Variants in SLC44A1 observed in about 807,000 individuals in gnomAD.
The protein encoded by SLC44A1 is choline transporter-like protein 1.
Under a neutral mutation model 79.3 loss-of-function variants are expected in SLC44A1, and 26 were observed. The ratio of observed to expected loss-of-function variants is 0.33; its 90% confidence interval spans 0.24 to 0.46. The LOEUF is 0.46. Ranked by LOEUF, SLC44A1 falls within the 20% of genes least tolerant of loss-of-function variation. The pLI is 1.00. For missense variants in SLC44A1, 688 were observed against 798.1 expected (o/e 0.86, Z 1.66); for synonymous variants, 263 against 286.2 (o/e 0.92, Z 0.82).
At chr9:105,421,795 G>T (rs1829254135) in intron 15 of SLC44A1, among the ~76,000 whole-genome samples, 1 of 152,026 alleles carries the variant, frequency 6.6e-6, no homozygotes. Flanking sequence ...CACCGTGTTA[G>T]CCAGGATAGT....
chr9:105,351,379 C>T (rs963228552), intron 5 of SLC44A1, among the ~76,000 whole-genome samples: 1 of 151,880 alleles, frequency 6.6e-6, no homozygotes, highest in Admixed American at 6.6e-5. Context: ...ACCAAAAACA[C>T]AAAAATTAGC....
chr9:105,376,314 TACACACACAC>T (rs33933201), intron 13 of SLC44A1, among the ~76,000 whole-genome samples: 49 of 139,174 alleles, frequency 3.5e-4, no homozygotes, highest in African/African-American at 8.3e-4. Context: ...TATATATGTA[TACACACACAC>T]ACACACACAC....
rs918298401 is a variant in SLC44A1 at position 105,392,402 on chromosome 9, T to G, written c.*3346T>G. On this transcript the variant is annotated 3_prime_UTR_variant, in exon 16 of 16. Coordinates refer to ENST00000374720, the MANE Select transcript of SLC44A1 (RefSeq NM_080546.5). ...TGTAGAGATGCTCTCTCTCTCTCTC[T>G]CTTTTTTTTTTTTTTTTTTTTTTTT... 1 of 177,014 alleles carries G rather than the reference T, an allele frequency of 5.6e-6. No homozygotes were observed. Among genetic ancestry groups the G allele is most frequent in the African/African-American group, 4.4e-5 (1 of 22,614 alleles). The allele number at this position is 177,014 out of a possible 1,614,324, so 11.0% of individuals were successfully genotyped here.
chr9:105,354,613 A>T (rs1827562405), intron 5 of SLC44A1, among the ~76,000 whole-genome samples: 1 of 152,214 alleles, frequency 6.6e-6, no homozygotes, highest in Non-Finnish European at 1.5e-5. Context: ...AGGCAATTTT[A>T]AAAAACAAAT....
At position 105,394,599 on chromosome 9, in the gene SLC44A1, C is replaced by T; in HGVS notation, c.*5543C>T. On this transcript the variant is annotated 3_prime_UTR_variant, in exon 16 of 16. Transcript: ENST00000374720. ...ACACTTGATTCTTTTTATTGTAGCTCAGCTATGACATTATGACATTATGTG... is the reference window on the plus strand; with the variant it reads ...ACACTTGATTCTTTTTATTGTAGCTTAGCTATGACATTATGACATTATGTG... 1.0e-6 allele frequency: 1 copy of T among 985,100 alleles called. No homozygotes were observed. The highest frequency in any genetic ancestry group is 1.2e-6 in the Non-Finnish European group (1 of 829,836). The allele number at this position is 985,100 out of a possible 1,614,324, so 61.0% of individuals were successfully genotyped here. A position where few individuals can be genotyped will look rare whatever the true frequency, so the allele number is the denominator to read the frequency against.
rs548869977 is a variant in SLC44A1 at position 105,402,517 on chromosome 9, GCTAA to G, written c.1950+17018_1950+17021del. 7.2e-4 allele frequency among the ~76,000 whole-genome samples: 109 copies of G among 152,272 alleles called. 1 individual carries two copies. In the East Asian group the frequency reaches 0.016, roughly 23 times the overall value. On this transcript the variant is annotated intron_variant, in intron 15 of 15. Transcript: ENST00000374724. ...GAAATATTTACCTTTTCTGTTCCAT[GCTAA>G]CTGTTGTAAAATCTCTGTAGTGATA...
rs60259632 is a variant in SLC44A1 at position 105,276,565 on chromosome 9, C to CGTGTGTGTGTGTGT, written c.37-22614_37-22601dup. On this transcript the variant is annotated intron_variant, in intron 1 of 15. Transcript: ENST00000374720. ...AAGTTAGGAAACGGGGATGGGGAGC[C>CGTGTGTGTGTGTGT]GTGTGTGTGTGTGTGTGTGTGTGTG... Among the ~76,000 whole-genome samples, 596 of 118,976 alleles carry CGTGTGTGTGTGTGT rather than the reference C, an allele frequency of 5.0e-3. 30 individuals are homozygous for CGTGTGTGTGTGTGT. The highest frequency in any genetic ancestry group is 0.012 in the East Asian group (42 of 3,532). The allele number at this position is 118,976 out of a possible 152,430, so 78.1% of individuals were successfully genotyped here.
At chr9:105,431,910 G>A (rs1829403033) in intron 15 of SLC44A1, among the ~76,000 whole-genome samples, 1 of 152,150 alleles carries the variant, frequency 6.6e-6, no homozygotes, top group Non-Finnish European at 1.5e-5. Flanking sequence ...TAAGCTGATT[G>A]TATGAAGGTA....
chr9:105,267,276 T>C (rs1829983265), intron 1 of SLC44A1, among the ~76,000 whole-genome samples: 2 of 152,228 alleles, frequency 1.3e-5, no homozygotes, highest in African/African-American at 4.8e-5. Context: ...ATTAAACTTA[T>C]TCTCTCTCAA....
At chr9:105,276,969 G>A (rs1450693300) in intron 1 of SLC44A1, among the ~76,000 whole-genome samples, 2 of 152,220 alleles carry the variant, frequency 1.3e-5, no homozygotes, top group Non-Finnish European at 2.9e-5. Flanking sequence ...AACTAGTGTT[G>A]AGGGGACACG....
chr9:105,279,041 T>G (rs552835592), intron 1 of SLC44A1, among the ~76,000 whole-genome samples: 1 of 152,130 alleles, frequency 6.6e-6, no homozygotes, highest in South Asian at 2.1e-4. Context: ...CTCCTTAGAT[T>G]TGCCCTTCAA....
At chr9:105,348,517 A>G (rs1280021711) in intron 5 of SLC44A1, 66 bp downstream of exon 5, 7 of 984,182 alleles carry the variant, frequency 7.1e-6, no homozygotes, top group South Asian at 1.3e-5. Flanking sequence ...TAAACAATAT[A>G]TGTTATTCTG....
At chr9:105,315,354 A>G (rs1461207457) in intron 3 of SLC44A1, among the ~76,000 whole-genome samples, 2 of 149,556 alleles carry the variant, frequency 1.3e-5, no homozygotes, top group African/African-American at 5.0e-5. Flanking sequence ...GGGTTTTTTT[A>G]AGTAAGATAA....
intron 3 of SLC44A1, among the ~76,000 whole-genome samples, chr9:105,321,943 CA>C (rs1826407105): frequency 6.6e-6 from 1 of 152,008 alleles, no homozygotes; most frequent in South Asian, 2.1e-4. Context: ...GTAGGATGTG[CA>C]TTGAACTTGA....
At chr9:105,423,427 T>C (rs570620029) in intron 15 of SLC44A1, among the ~76,000 whole-genome samples, 1 of 152,182 alleles carries the variant, frequency 6.6e-6, no homozygotes, top group South Asian at 2.1e-4. Context: ...GATTGCCCCA[T>C]TGCACTCCAG....
Position 105,396,359 on chromosome 9 carries a change from G to A in SLC44A1, c.*7303G>A. 1.0e-6 allele frequency: 1 copy of A among 985,420 alleles called. No homozygotes were observed. 61.0% of individuals were successfully genotyped at this position (985,420 alleles called of 1,614,324 possible). On this transcript the variant is annotated 3_prime_UTR_variant, in exon 16 of 16. Coordinates refer to ENST00000374720, the MANE Select transcript of SLC44A1 (RefSeq NM_080546.5). ...AACAAAAAGGCAGGGAGAAAAGTGT[G>A]AAGGGCATCAAGCAAAATGACAGGG...
chr9:105,378,631 A>G (rs1828367870), intron 13 of SLC44A1, among the ~76,000 whole-genome samples: 1 of 152,094 alleles, frequency 6.6e-6, no homozygotes, highest in African/African-American at 2.4e-5. Context: ...AGATAAATAC[A>G]TTTTTTTAAT....
In SLC44A1 at chr9:105,390,430, C is replaced by CCA; in HGVS notation, c.*1374_*1375insCA. Reference sequence around the variant, plus strand: ...TATTGCACTAAATACAGGCTCTGTACAAAAAAAAAAAAAAAAAAAAAGCCT... The same window carrying CCA: ...TATTGCACTAAATACAGGCTCTGTACCAAAAAAAAAAAAAAAAAAAAAAGCCT... On this transcript the variant is annotated 3_prime_UTR_variant, in exon 16 of 16. Transcript: ENST00000374720. The CCA allele has an allele frequency of 2.4e-6, 2 of 822,938 alleles. No individual in the cohort carries two copies. Among genetic ancestry groups the CCA allele is most frequent in the Non-Finnish European group, 2.8e-6 (2 of 718,804 alleles). The allele number at this position is 822,938 out of a possible 1,614,324, so 51.0% of individuals were successfully genotyped here.
intron 15 of SLC44A1, among the ~76,000 whole-genome samples, chr9:105,413,152 A>G (rs1829119630): frequency 1.3e-5 from 2 of 152,352 alleles, no homozygotes; most frequent in South Asian, 2.1e-4. Context: ...TCATCAGTCA[A>G]TTAACATATG....
Sources: gnomAD v4.1 joint callset for allele counts (sites outside exome capture counted in the v4.1 genomes callset) on GRCh38, gnomAD v4.1.1 for gene constraint, MANE v1.5 for transcripts, NCBI Gene and HGNC (gene_info 2026-07-23, HGNC 2026-07-21) for gene names.